FAM117B: variants seen among roughly 807,000 people sequenced by gnomAD.
FAM117B encodes family with sequence similarity 117 member B.
FAM117B carries 22 observed loss-of-function variants against 52.8 expected under a neutral mutation model. The ratio of observed to expected loss-of-function variants is 0.42; its 90% confidence interval spans 0.30 to 0.59. The LOEUF (loss-of-function observed/expected upper bound fraction) is 0.59. Among genes scored for constraint, FAM117B ranks in the 20% least tolerant of loss-of-function variants. The pLI is 0.22. For missense variants in FAM117B, 678 were observed against 802.6 expected (o/e 0.84, Z 1.88); for synonymous variants, 309 against 324.1 (o/e 0.95, Z 0.50).
chr2:202,648,389 C>T (rs1451760485), intron 1 of FAM117B, among the ~76,000 whole-genome samples: 4 of 151,832 alleles, frequency 2.6e-5, no homozygotes, highest in African/African-American at 9.7e-5. Flanking sequence ...GGTCGGTGTG[C>T]GCCTGTAGTC....
intron 2 of FAM117B, among the ~76,000 whole-genome samples, chr2:202,716,782 T>C (rs966215661): frequency 2.6e-5 from 4 of 152,232 alleles, no homozygotes; most frequent in African/African-American, 9.6e-5. Flanking sequence ...TTTCCTCTGC[T>C]TGAGCAGTTC....
chr2:202,704,538 G>T (rs1690844894), intron 2 of FAM117B, among the ~76,000 whole-genome samples: 1 of 152,144 alleles, frequency 6.6e-6, no homozygotes, highest in Non-Finnish European at 1.5e-5. Flanking sequence ...TTGTAAGTGG[G>T]TGCTTTCAGA....
intron 4 of FAM117B, among the ~76,000 whole-genome samples, chr2:202,740,104 T>C (rs1317645328): frequency 7.7e-5 from 10 of 129,654 alleles, no homozygotes; most frequent in African/African-American, 1.5e-4. Flanking sequence ...ACCCAGGAGG[T>C]GGAGCTTGCA....
intron 4 of FAM117B, among the ~76,000 whole-genome samples, chr2:202,753,835 C>G (rs756803501): frequency 6.6e-6 from 1 of 151,266 alleles, no homozygotes; most frequent in East Asian, 1.9e-4. Flanking sequence ...TACCATCTCA[C>G]GCCAGTCAGA....
intron 3 of FAM117B, among the ~76,000 whole-genome samples, chr2:202,725,456 C>T (rs1231923508): frequency 6.6e-6 from 1 of 151,982 alleles, no homozygotes; most frequent in Non-Finnish European, 1.5e-5. Context: ...GTACCTGGGA[C>T]TGCAGGTGTA....
chr2:202,716,026 G>A (rs1265053614), intron 2 of FAM117B, among the ~76,000 whole-genome samples: 1 of 152,226 alleles, frequency 6.6e-6, no homozygotes, highest in Non-Finnish European at 1.5e-5. Flanking sequence ...AGCCGAGATG[G>A]CAGCAGTACA....
At chr2:202,690,863 C>T (rs1690610029) in intron 1 of FAM117B, among the ~76,000 whole-genome samples, 1 of 152,164 alleles carries the variant, frequency 6.6e-6, no homozygotes, top group South Asian at 2.1e-4. Flanking sequence ...AGATTTTCCT[C>T]CCATAACCTC....
At chr2:202,717,567 A>C (rs1329126403) in intron 2 of FAM117B, among the ~76,000 whole-genome samples, 3 of 152,202 alleles carry the variant, frequency 2.0e-5, no homozygotes, top group African/African-American at 7.2e-5. Context: ...AGTTGTAGAT[A>C]TACTGCCTTG....
chr2:202,644,072 T>G (rs538148707), intron 1 of FAM117B, among the ~76,000 whole-genome samples: 23 of 146,276 alleles, frequency 1.6e-4, no homozygotes, highest in East Asian at 9.7e-4. Context: ...TTGTTTTTTT[T>G]TTTTTTTTTT....
At chr2:202,648,346 C>G (rs1483950174) in intron 1 of FAM117B, among the ~76,000 whole-genome samples, 4 of 151,988 alleles carry the variant, frequency 2.6e-5, no homozygotes, top group East Asian at 1.9e-4. Context: ...CCCGTCTCTA[C>G]TAAAATACAG....
At chr2:202,721,420 G>T (rs1691150350) in intron 2 of FAM117B, among the ~76,000 whole-genome samples, 1 of 151,824 alleles carries the variant, frequency 6.6e-6, no homozygotes, top group Non-Finnish European at 1.5e-5. Flanking sequence ...AATTATTATG[G>T]TCATTTTTTT....
chr2:202,748,667 C>CA (rs1559115076), intron 4 of FAM117B, among the ~76,000 whole-genome samples: 1 of 151,806 alleles, frequency 6.6e-6, no homozygotes, highest in African/African-American at 2.4e-5. Flanking sequence ...AGACATTTCT[C>CA]AAAAAAAGAC....
At chr2:202,692,212 A>C (rs565789003) in intron 1 of FAM117B, among the ~76,000 whole-genome samples, 9 of 152,346 alleles carry the variant, frequency 5.9e-5, no homozygotes, top group African/African-American at 2.2e-4. Context: ...AACTAGAATA[A>C]CACTGTAATA....
At chr2:202,754,950 A>G (rs1293269283) in intron 4 of FAM117B, among the ~76,000 whole-genome samples, 3 of 151,586 alleles carry the variant, frequency 2.0e-5, no homozygotes, top group Admixed American at 6.6e-5. Context: ...TACAGGAAGC[A>G]TGACGCTGGC....
chr2:202,686,334 C>A (rs1041984574), intron 1 of FAM117B, among the ~76,000 whole-genome samples: 2 of 152,160 alleles, frequency 1.3e-5, no homozygotes, highest in Non-Finnish European at 2.9e-5. Context: ...CTGGGTACAA[C>A]CAGTTTGGAA....
intron 4 of FAM117B, among the ~76,000 whole-genome samples, 155 bp downstream of exon 4, chr2:202,726,518 A>G (rs1691247612): frequency 6.6e-6 from 1 of 152,214 alleles, no homozygotes; most frequent in Non-Finnish European, 1.5e-5. Flanking sequence ...AGAAAACAGA[A>G]TATTAAGTTG....
chr2:202,704,456 C>T (rs959472831), intron 2 of FAM117B, among the ~76,000 whole-genome samples: 1 of 152,136 alleles, frequency 6.6e-6, no homozygotes, highest in African/African-American at 2.4e-5. Context: ...GGACCTGGGG[C>T]ACTTTTAGCA....
chr2:202,643,485 C>T (rs897206119), intron 1 of FAM117B, among the ~76,000 whole-genome samples: 2 of 152,092 alleles, frequency 1.3e-5, no homozygotes, highest in Admixed American at 6.5e-5. Flanking sequence ...TTCCAAACTA[C>T]TTGAAGGCAA....
At chr2:202,662,686 C>T (rs1441260663) in intron 1 of FAM117B, among the ~76,000 whole-genome samples, 1 of 151,860 alleles carries the variant, frequency 6.6e-6, no homozygotes, top group African/African-American at 2.4e-5. Context: ...ACTAAAAATA[C>T]AAAAATTAGC....
Sources: allele counts gnomAD v4.1 joint callset (sites outside exome capture counted in the v4.1 genomes callset), GRCh38; gene constraint gnomAD v4.1.1; transcripts MANE v1.5; gene names NCBI Gene and HGNC (gene_info 2026-07-23, HGNC 2026-07-21).